The following CHL1 variants were observed in gnomAD, a reference collection of about 807,000 sequenced individuals.
CHL1 encodes the protein neural cell adhesion molecule L1-like protein.
Under a neutral mutation model 141.9 loss-of-function variants are expected in CHL1, and 96 were observed. That is an observed-to-expected ratio of 0.68 (90% CI 0.57 to 0.80). The LOEUF (loss-of-function observed/expected upper bound fraction) is 0.80, where lower values mean the gene tolerates loss of function less well. Ranked by LOEUF, CHL1 falls within the 30% of genes least tolerant of loss-of-function variation. The pLI, the probability that CHL1 is intolerant of heterozygous loss-of-function variation, is 0.00. For missense variants in CHL1, 1,820 were observed against 1,457.2 expected (o/e 1.25, Z -4.05); for synonymous variants, 613 against 502.2 (o/e 1.22, Z -2.95).
intron 5 of CHL1, among the ~76,000 whole-genome samples, chr3:337,231 C>T (rs1485949830): frequency 6.8e-6 from 1 of 147,280 alleles, no homozygotes; most frequent in East Asian, 2.0e-4. Context: ...TGCTCTGTCG[C>T]CCAGGCTGGA....
chr3:230,012 C>A (rs1279495105), intron 1 of CHL1, among the ~76,000 whole-genome samples: 1 of 152,026 alleles, frequency 6.6e-6, no homozygotes, highest in African/African-American at 2.4e-5. Flanking sequence ...CCGTGAGTTT[C>A]TATAGTATTA....
chr3:355,089 C>A (rs896856338), intron 11 of CHL1, among the ~76,000 whole-genome samples: 1 of 151,994 alleles, frequency 6.6e-6, no homozygotes, highest in African/African-American at 2.4e-5. Context: ...TGTTCCTGTC[C>A]CTGAGAAGAA....
chr3:333,566 A>G (rs1024503883), intron 5 of CHL1, among the ~76,000 whole-genome samples: 2 of 152,166 alleles, frequency 1.3e-5, no homozygotes, highest in African/African-American at 4.8e-5. Flanking sequence ...TACACGAAAA[A>G]CTATTTAACT....
rs935709966 is a variant in CHL1 at position 319,886 on chromosome 3, G to A, written c.91+19G>A. On this transcript the variant is annotated intron_variant, in intron 3 of 27. Transcript: ENST00000256509. ...TCTTCAGGTAAAGTTAAAACATTCAGTGCCTATTAATGGAATTTCATATTT... is the reference window on the plus strand; with the variant it reads ...TCTTCAGGTAAAGTTAAAACATTCAATGCCTATTAATGGAATTTCATATTT... 1.5e-5 allele frequency: 20 copies of A among 1,371,770 alleles called. No individual in the cohort carries two copies. The highest frequency in any genetic ancestry group is 2.0e-5 in the Non-Finnish European group (19 of 969,144). The allele number at this position is 1,371,770 out of a possible 1,614,324, so 85.0% of individuals were successfully genotyped here. A position where few individuals can be genotyped will look rare whatever the true frequency, so the allele number is the denominator to read the frequency against.
intron 23 of CHL1, 80 bp from the exon 24 acceptor site, chr3:394,613 T>C (rs1708515438): frequency 2.0e-6 from 2 of 1,007,986 alleles, no homozygotes; most frequent in East Asian, 2.4e-5. Flanking sequence ...ACCACAAGCA[T>C]AAGGAGAAAT....
chr3:338,080 G>A (rs1026346357), intron 5 of CHL1, among the ~76,000 whole-genome samples: 5 of 152,080 alleles, frequency 3.3e-5, no homozygotes, highest in East Asian at 1.9e-4. Context: ...TAGCCAGGAT[G>A]GTCTCGATCT....
rs1455132454 is a variant in CHL1, at chr3:366,008, T to C, written c.1644T>C (p.Leu548=). Residue 548 remains leucine, a synonymous_variant, in exon 15 of 28, where the codon CTT becomes CTC. Coordinates refer to ENST00000256509, the MANE Select transcript of CHL1 (RefSeq NM_006614.4). Reference sequence around the variant, plus strand: ...CTCGTATCCCCAAATTGCATATGCTTGAATTACATTGTGAAAGCAAATGTG... The same window carrying C: ...CTCGTATCCCCAAATTGCATATGCTCGAATTACATTGTGAAAGCAAATGTG... The part of the protein sequence containing the change: ...KNPRIPKLHM[L]ELHCESKCDS... 6.2e-7 allele frequency: 1 copy of C among 1,613,536 alleles called. No individual in the cohort carries two copies. Among genetic ancestry groups the C allele is most frequent in the East Asian group, 2.2e-5 (1 of 44,874 alleles).
intron 2 of CHL1, among the ~76,000 whole-genome samples, chr3:310,625 A>G (rs1457818371): frequency 2.0e-5 from 3 of 152,166 alleles, no homozygotes; most frequent in Admixed American, 2.0e-4. Flanking sequence ...AATTGGGCAG[A>G]ACGTGCAGAA....
At chr3:332,517 T>C (rs528299037) in intron 5 of CHL1, among the ~76,000 whole-genome samples, 1 of 152,308 alleles carries the variant, frequency 6.6e-6, no homozygotes, top group Non-Finnish European at 1.5e-5. Flanking sequence ...TGTTTCTTTC[T>C]TTCTTTGTGT....
intron 2 of CHL1, among the ~76,000 whole-genome samples, chr3:300,905 C>A (rs775151049): frequency 2.7e-4 from 41 of 152,080 alleles, no homozygotes; most frequent in Admixed American, 1.3e-4. Context: ...ATTCTCCAGA[C>A]TGATGGAAAA....
intron 2 of CHL1, among the ~76,000 whole-genome samples, chr3:266,083 AT>A (rs1445685354): frequency 2.6e-5 from 4 of 152,110 alleles, no homozygotes; most frequent in Non-Finnish European, 5.9e-5. Context: ...AGCATGGCCA[AT>A]TTTGTTGTAC....
intron 6 of CHL1, among the ~76,000 whole-genome samples, chr3:341,579 T>C (rs1242128841): frequency 6.6e-6 from 1 of 152,170 alleles, no homozygotes; most frequent in Non-Finnish European, 1.5e-5. Context: ...AATTAGGTCA[T>C]TGTCTGCATT....
chr3:264,596 A>C (rs921396366), intron 2 of CHL1, among the ~76,000 whole-genome samples: 3 of 152,188 alleles, frequency 2.0e-5, no homozygotes, highest in Non-Finnish European at 4.4e-5. Flanking sequence ...TGAAGAAGTA[A>C]ATTCTCACTT....
chr3:269,594 T>C (rs1695458730), intron 2 of CHL1, among the ~76,000 whole-genome samples: 1 of 152,156 alleles, frequency 6.6e-6, no homozygotes, highest in African/African-American at 2.4e-5. Context: ...GGTATGATCT[T>C]GGCTCAGTGC....
At chr3:341,852 G>A (rs1329491954) in intron 6 of CHL1, 60 bp from the exon 7 acceptor site, 4 of 1,300,218 alleles carry the variant, frequency 3.1e-6, no homozygotes, top group Non-Finnish European at 4.1e-6. Context: ...AAATGAAAAA[G>A]GAAGATGAAG....
chr3:220,448 T>C (rs903098220), intron 1 of CHL1, among the ~76,000 whole-genome samples: 5 of 152,016 alleles, frequency 3.3e-5, no homozygotes, highest in African/African-American at 1.2e-4. Flanking sequence ...CTGGGCCACA[T>C]TGGAAGAAGA....
intron 2 of CHL1, among the ~76,000 whole-genome samples, chr3:290,823 C>A (rs1697620571): frequency 6.6e-6 from 1 of 151,514 alleles, no homozygotes; most frequent in Non-Finnish European, 1.5e-5. Context: ...GTAATCCCAG[C>A]TACTTGGGAG....
chr3:369,780 C>G (rs543932030), intron 15 of CHL1, among the ~76,000 whole-genome samples: 93 of 152,296 alleles, frequency 6.1e-4, no homozygotes, highest in Non-Finnish European at 1.2e-3. Context: ...CCATCAATAA[C>G]TAGTTAATTG....
chr3:225,440 G>T (rs1031603100), intron 1 of CHL1, among the ~76,000 whole-genome samples: 6 of 152,308 alleles, frequency 3.9e-5, no homozygotes, highest in African/African-American at 1.2e-4. Flanking sequence ...ATACAAATTA[G>T]AGAGACATCC....
Sources: allele counts gnomAD v4.1 joint callset (sites outside exome capture counted in the v4.1 genomes callset), GRCh38; gene constraint gnomAD v4.1.1; transcripts MANE v1.5; gene names NCBI Gene and HGNC (gene_info 2026-07-23, HGNC 2026-07-21).